Variants in AGBL2 observed in about 807,000 individuals in gnomAD.
AGBL2 encodes cytosolic carboxypeptidase 2.
A neutral mutation model predicts 103.0 loss-of-function variants in AGBL2; 87 were observed. The ratio of observed to expected loss-of-function variants is 0.84; its 90% CI spans 0.71 to 1.01. AGBL2 has a LOEUF of 1.01. AGBL2 is among the 50% of genes least tolerant of loss of function. The pLI is 0.00. For synonymous variants in AGBL2, 335 were observed against 356.7 expected (o/e 0.94, Z 0.69); for missense variants, 904 against 1,023.5 (o/e 0.88, Z 1.59).
intron 18 of AGBL2, among the ~76,000 whole-genome samples, chr11:47,662,527 C>G (rs1158347402): frequency 1.3e-5 from 2 of 148,612 alleles, no homozygotes; most frequent in East Asian, 3.9e-4. Flanking sequence ...GAGTCGCACT[C>G]TGTCACCCAG....
At chr11:47,708,812 CAA>C (rs1237555094) in intron 4 of AGBL2, among the ~76,000 whole-genome samples, 14 of 111,368 alleles carry the variant, frequency 1.3e-4, no homozygotes, top group Non-Finnish European at 7.6e-5. Flanking sequence ...GACTCTGTCT[CAA>C]AAAAAAAAAA....
chr11:47,681,902 A>G, intron 12 of AGBL2, 67 bp downstream of exon 12: 1 of 1,563,758 alleles, frequency 6.4e-7, no homozygotes, highest in Non-Finnish European at 8.7e-7. Flanking sequence ...AAGGCATTTT[A>G]TCTCCCTGAT....
chr11:47,672,068 G>A (rs962685986), intron 14 of AGBL2, among the ~76,000 whole-genome samples: 7 of 152,138 alleles, frequency 4.6e-5, no homozygotes, highest in African/African-American at 1.7e-4. Context: ...AGACTGTAGA[G>A]TCTGCCTGTT....
chr11:47,686,447 GTTTT>G (rs563969184), intron 10 of AGBL2, among the ~76,000 whole-genome samples: 17 of 105,078 alleles, frequency 1.6e-4, no homozygotes, highest in Admixed American at 8.3e-4. Flanking sequence ...TTTGTTTCTG[GTTTT>G]TTTTTTTTTT....
intron 4 of AGBL2, among the ~76,000 whole-genome samples, chr11:47,709,683 G>C (rs1190561750): frequency 6.6e-6 from 1 of 151,590 alleles, no homozygotes; most frequent in African/African-American, 2.4e-5. Flanking sequence ...CGCCTCCCAG[G>C]TTCACACAAT....
At chr11:47,706,393 G>A (rs567167745) in intron 4 of AGBL2, among the ~76,000 whole-genome samples, 1 of 152,268 alleles carries the variant, frequency 6.6e-6, no homozygotes, top group South Asian at 2.1e-4. Context: ...GCAGGCGCCT[G>A]TAGCTCCAGC....
chr11:47,696,897 T>C (rs935049110), intron 8 of AGBL2, among the ~76,000 whole-genome samples: 3 of 152,118 alleles, frequency 2.0e-5, no homozygotes, highest in African/African-American at 4.8e-5. Context: ...CAGTTTTCTG[T>C]CTTCTATTCA....
chr11:47,713,259 T>C (rs2097540675), intron 3 of AGBL2, among the ~76,000 whole-genome samples: 1 of 150,276 alleles, frequency 6.7e-6, no homozygotes, highest in Non-Finnish European at 1.5e-5. Flanking sequence ...CAGGAGAATC[T>C]CTTGAACCCA....
intron 14 of AGBL2, among the ~76,000 whole-genome samples, chr11:47,675,591 G>A (rs531222258): frequency 1.1e-4 from 16 of 151,866 alleles, no homozygotes; most frequent in African/African-American, 3.9e-4. Flanking sequence ...GTTTCATAAT[G>A]TTGGCCAGGC....
Position 47,714,662 on chromosome 11 carries a change from A to T in AGBL2, c.-12T>A, listed in dbSNP as rs776837162. 1.2e-5 allele frequency: 19 copies of T among 1,613,772 alleles called. No homozygotes were observed. The highest frequency in any genetic ancestry group is 1.6e-5 in the Non-Finnish European group (19 of 1,179,930). On this transcript the variant is annotated 5_prime_UTR_variant, in exon 2 of 19. Transcript: ENST00000525123. ...AAAGCTGGGAACATGTTACTTCTGG[A>T]TGGTAGGCTGAAAACTAGTCAGTGA...
At chr11:47,672,435 C>T (rs1226054464) in intron 14 of AGBL2, among the ~76,000 whole-genome samples, 1 of 152,130 alleles carries the variant, frequency 6.6e-6, no homozygotes, top group Non-Finnish European at 1.5e-5. Flanking sequence ...TCACCTTAGC[C>T]TCCCAAGTAG....
chr11:47,710,767 A>T (rs2097534416), intron 3 of AGBL2: 2 of 549,428 alleles, frequency 3.6e-6, no homozygotes, highest in Non-Finnish European at 7.0e-6. Context: ...GTGAGAAAGG[A>T]CTTGGCAGGC....
At chr11:47,710,909 C>CAAAA in intron 3 of AGBL2, 1 of 332,570 alleles carries the variant, frequency 3.0e-6, no homozygotes, top group African/African-American at 2.6e-5. Context: ...GATCCTGTCT[C>CAAAA]AAAAAAAAAA....
rs954824998 is a variant in AGBL2, at chr11:47,714,481, G to A, written c.34-134C>T. On this transcript the variant is annotated intron_variant, in intron 2 of 18. Coordinates refer to ENST00000525123, the MANE Select transcript of AGBL2 (RefSeq NM_024783.4). The stretch of plus-strand genomic sequence containing the variant: ...TGCATTCCATGCGAATTATTCTATC[G>A]TGGGGATCAAGATCTCCAGCTGAGA... The A allele has an allele frequency of 3.4e-5, 45 of 1,305,662 alleles. No homozygotes were observed. The African/African-American group carries it at 4.8e-4, about 14-fold the overall frequency. The allele number at this position is 1,305,662 out of a possible 1,614,324, so 80.9% of individuals were successfully genotyped here. A position where few individuals can be genotyped will look rare whatever the true frequency, so the allele number is the denominator to read the frequency against.
rs750043579 is a variant in AGBL2 at position 47,690,455 on chromosome 11, G to C, written c.1252C>G (p.Gln418Glu). Residue 418 changes from glutamine to glutamate, a missense_variant, in exon 10 of 19, where the codon CAG (glutamine) becomes GAG (glutamate). Physicochemically the swap from Gln to Glu is conservative, Grantham distance 29 (BLOSUM62 2). Transcript: ENST00000525123. ...LSVANNPIQSQFCKLQTLCRS... is the reference protein window; with the variant it reads ...LSVANNPIQSEFCKLQTLCRS... ...CATAAAGTTTGGAGCTTGCAGAACTGAGACTGGATAGGGTTGTTTGCCACT... is the reference window on the plus strand; with the variant it reads ...CATAAAGTTTGGAGCTTGCAGAACTCAGACTGGATAGGGTTGTTTGCCACT... 4 of 1,614,046 alleles carry C rather than the reference G, an allele frequency of 2.5e-6. No homozygotes were observed. The African/African-American group carries it at 5.3e-5, about 22-fold the overall frequency.
chr11:47,671,240 C>T (rs1456679238), intron 14 of AGBL2, among the ~76,000 whole-genome samples: 2 of 152,042 alleles, frequency 1.3e-5, no homozygotes, highest in East Asian at 1.9e-4. Flanking sequence ...CAAGGCCAGG[C>T]GCGGTGGCTC....
intron 8 of AGBL2, among the ~76,000 whole-genome samples, chr11:47,697,384 G>A (rs913553158): frequency 6.6e-6 from 1 of 151,710 alleles, no homozygotes; most frequent in Non-Finnish European, 1.5e-5. Context: ...AACTACAGGC[G>A]CATGCCATCA....
chr11:47,680,724 G>A (rs1019916093), intron 12 of AGBL2, among the ~76,000 whole-genome samples: 34 of 151,456 alleles, frequency 2.2e-4, no homozygotes, highest in Admixed American at 1.9e-3. Context: ...CCAGGGAGGC[G>A]AGGTTTCAGT....
At chr11:47,661,800 G>C (rs907656182) in intron 18 of AGBL2, among the ~76,000 whole-genome samples, 2 of 151,652 alleles carry the variant, frequency 1.3e-5, no homozygotes, top group Non-Finnish European at 2.9e-5. Flanking sequence ...TGTCGCCCAG[G>C]CTGCAGTGGT....
Sources: allele counts gnomAD v4.1 joint callset (sites outside exome capture counted in the v4.1 genomes callset), GRCh38; gene constraint gnomAD v4.1.1; transcripts MANE v1.5; gene names NCBI Gene and HGNC (gene_info 2026-07-23, HGNC 2026-07-21).